PCOLCE2: variants seen among roughly 807,000 people sequenced by gnomAD.
PCOLCE2 encodes procollagen C-endopeptidase enhancer 2.
A neutral mutation model predicts 47.0 loss-of-function variants in PCOLCE2; 42 were observed. The observed-to-expected ratio is 0.89, with a 90% CI of 0.70 to 1.16. PCOLCE2 has a LOEUF of 1.16. PCOLCE2 is among the 50% of genes most tolerant of loss of function. The probability of loss-of-function intolerance (pLI) is 0.00; values close to 1 mark genes in which losing one functional copy is unlikely to be tolerated. For synonymous variants in PCOLCE2, 169 were observed against 191.7 expected (o/e 0.88, Z 0.98); for missense variants, 500 against 526.1 (o/e 0.95, Z 0.49).
chr3:142,875,255 C>G (rs1933473816), intron 2 of PCOLCE2, among the ~76,000 whole-genome samples: 2 of 152,200 alleles, frequency 1.3e-5, no homozygotes, highest in East Asian at 1.9e-4. Context: ...CGCAATGGCT[C>G]AAGCTCCCAG....
intron 4 of PCOLCE2, among the ~76,000 whole-genome samples, chr3:142,840,427 G>A (rs1021715740): frequency 3.3e-5 from 5 of 152,132 alleles, no homozygotes; most frequent in South Asian, 2.1e-4. Flanking sequence ...CAATCTTGCC[G>A]AGCAGCAAGT....
At chr3:142,848,046 T>C (rs1310376154) in intron 3 of PCOLCE2, among the ~76,000 whole-genome samples, 171 bp downstream of exon 3, 1 of 152,236 alleles carries the variant, frequency 6.6e-6, no homozygotes, top group East Asian at 1.9e-4. Flanking sequence ...CAAGAATGCA[T>C]GTGGACTTAA....
chr3:142,852,019 G>A (rs1049810281), intron 2 of PCOLCE2, among the ~76,000 whole-genome samples: 4 of 152,158 alleles, frequency 2.6e-5, no homozygotes, highest in Non-Finnish European at 5.9e-5. Flanking sequence ...AATAGAAACT[G>A]GGTTACATCA....
At chr3:142,857,987 T>C (rs1933099623) in intron 2 of PCOLCE2, among the ~76,000 whole-genome samples, 1 of 152,162 alleles carries the variant, frequency 6.6e-6, no homozygotes, top group African/African-American at 2.4e-5. Context: ...TGTGAGGTCG[T>C]ATGTAAATTC....
Position 142,842,823 on chromosome 3 carries a change from T to C in PCOLCE2, c.573+101A>G. On this transcript the variant is annotated intron_variant, in intron 4 of 8. Transcript: ENST00000295992. The surrounding 1 kb of genome is among the most constrained non-coding windows in gnomAD (Gnocchi z 4.1). ...TTCCTCTTCTTGTATCCCTTAGCTC[T>C]CGAATAGCCCCCACAACAGGAGGCT... 8.8e-7 allele frequency: 1 copy of C among 1,134,222 alleles called. No homozygotes were observed. The allele number at this position is 1,134,222 out of a possible 1,614,324, so 70.3% of individuals were successfully genotyped here. A position where few individuals can be genotyped will look rare whatever the true frequency, so the allele number is the denominator to read the frequency against.
At chr3:142,879,325 A>G (rs1419680815) in intron 2 of PCOLCE2, among the ~76,000 whole-genome samples, 1 of 152,190 alleles carries the variant, frequency 6.6e-6, no homozygotes, top group Non-Finnish European at 1.5e-5. Flanking sequence ...ACCTCTTCTA[A>G]GACATCTGCT....
At chr3:142,882,369 G>C (rs1269973508) in intron 2 of PCOLCE2, among the ~76,000 whole-genome samples, 1 of 151,676 alleles carries the variant, frequency 6.6e-6, no homozygotes, top group Non-Finnish European at 1.5e-5. Flanking sequence ...CTTCATAAAG[G>C]GATAAAAAGT....
At chr3:142,826,487 T>G (rs914698420) in intron 6 of PCOLCE2, among the ~76,000 whole-genome samples, 1 of 152,174 alleles carries the variant, frequency 6.6e-6, no homozygotes, top group Non-Finnish European at 1.5e-5. Context: ...CCCTCTCACC[T>G]TTATAGAAAC....
intron 7 of PCOLCE2, 94 bp from the exon 8 acceptor site, chr3:142,821,139 G>T: frequency 2.1e-6 from 2 of 973,550 alleles, no homozygotes; most frequent in South Asian, 3.3e-5. Flanking sequence ...TTTCAGATAC[G>T]AAACATTTTA....
intron 5 of PCOLCE2, among the ~76,000 whole-genome samples, chr3:142,836,286 G>T (rs555475079): frequency 6.6e-6 from 1 of 152,242 alleles, no homozygotes; most frequent in Admixed American, 6.5e-5. Flanking sequence ...TACTTATATT[G>T]GTGTCAGCTT....
At chr3:142,818,505 G>A (rs1025746553) in intron 8 of PCOLCE2, 40 bp from the exon 9 acceptor site, 24 of 1,508,336 alleles carry the variant, frequency 1.6e-5, no homozygotes, top group African/African-American at 4.1e-5. Flanking sequence ...TTTTCTCTAT[G>A]TATCATGTGT....
intron 6 of PCOLCE2, 76 bp downstream of exon 6, chr3:142,829,613 CTTA>C: frequency 9.2e-7 from 1 of 1,081,658 alleles, no homozygotes. Context: ...GTATCTTCCT[CTTA>C]TTTTTTTTCT....
chr3:142,828,587 C>T (rs1410859172), intron 6 of PCOLCE2, among the ~76,000 whole-genome samples: 5 of 151,956 alleles, frequency 3.3e-5, no homozygotes, highest in African/African-American at 9.7e-5. Flanking sequence ...ATGCTGTGGA[C>T]GTGCTTGGGA....
chr3:142,821,117 C>A, intron 7 of PCOLCE2, 72 bp from the exon 8 acceptor site: 1 of 1,194,730 alleles, frequency 8.4e-7, no homozygotes, highest in Admixed American at 1.9e-5. Context: ...AACAAGTTTA[C>A]ATTCTTCTAA....
intron 2 of PCOLCE2, among the ~76,000 whole-genome samples, chr3:142,883,475 A>G (rs1933665108): frequency 6.6e-6 from 1 of 151,622 alleles, no homozygotes; most frequent in African/African-American, 2.4e-5. Flanking sequence ...GCTGGAGTGC[A>G]ATGGCATGAT....
At chr3:142,825,212 C>T (rs541822104) in intron 6 of PCOLCE2, among the ~76,000 whole-genome samples, 28 of 152,102 alleles carry the variant, frequency 1.8e-4, no homozygotes, top group Admixed American at 5.9e-4. Flanking sequence ...CGCCCTTTCC[C>T]GGGCCCATTG....
intron 1 of PCOLCE2, among the ~76,000 whole-genome samples, chr3:142,888,237 T>C (rs559449318): frequency 1.4e-4 from 21 of 152,294 alleles, no homozygotes; most frequent in African/African-American, 5.1e-4. Context: ...TCACTCGCCA[T>C]TGGCAGAGCT....
At chr3:142,821,841 C>T (rs1259764130) in intron 7 of PCOLCE2, among the ~76,000 whole-genome samples, 2 of 151,660 alleles carry the variant, frequency 1.3e-5, no homozygotes, top group Admixed American at 1.3e-4. Context: ...CACGGGGGTG[C>T]GCCTGGCATT....
At chr3:142,855,013 C>T (rs985589785) in intron 2 of PCOLCE2, among the ~76,000 whole-genome samples, 1 of 152,182 alleles carries the variant, frequency 6.6e-6, no homozygotes, top group Non-Finnish European at 1.5e-5. Flanking sequence ...AGGAGCCCTC[C>T]GAGCTGGTTC....
Sources: gnomAD v4.1 joint callset for allele counts (sites outside exome capture counted in the v4.1 genomes callset) on GRCh38, gnomAD v4.1.1 for gene constraint, Gnocchi (gnomAD v3.1) non-coding constraint, MANE v1.5 for transcripts, NCBI Gene and HGNC (gene_info 2026-07-23, HGNC 2026-07-21) for gene names.